Variants in ZFP37 observed in about 807,000 individuals in gnomAD.
ZFP37 encodes the protein ZFP37 zinc finger protein, also known as zinc finger protein 37 homolog.
Under a neutral mutation model 52.1 loss-of-function variants are expected in ZFP37, and 38 were observed. The observed-to-expected ratio is 0.73, with a 90% CI of 0.56 to 0.96. The LOEUF is 0.96. Ranked by LOEUF, ZFP37 falls within the 40% of genes least tolerant of loss-of-function variation. The pLI, the probability that ZFP37 is intolerant of heterozygous loss-of-function variation, is 0.00. For missense variants in ZFP37, 695 were observed against 741.4 expected (o/e 0.94, Z 0.73); for synonymous variants, 253 against 259.5 (o/e 0.98, Z 0.24).
rs1294619076 is a variant in ZFP37, at chr9:113,056,680, G to A, written c.9C>T (p.Val3=). The change falls in exon 1 of 4, where the codon GTC becomes GTT. Residue 3 remains valine (V), a synonymous_variant. Coordinates refer to ENST00000374227, the MANE Select transcript of ZFP37 (RefSeq NM_003408.3). MS[V]SSGVQILTKP... ...TTGTCAGAATCTGGACGCCGCTGGA[G>A]ACCGACATGGCGGCTACCCGGAGGG... 1.2e-6 allele frequency: 2 copies of A among 1,612,678 alleles called. No individual in the cohort carries two copies. The highest frequency in any genetic ancestry group is 2.2e-5 in the South Asian group (2 of 91,056).
At chr9:113,045,174 G>T (rs764598739) in intron 3 of ZFP37, among the ~76,000 whole-genome samples, 3 of 152,060 alleles carry the variant, frequency 2.0e-5, no homozygotes, top group Non-Finnish European at 4.4e-5. Context: ...AAGTGGCTAA[G>T]AGAATAAATA....
intron 1 of ZFP37, among the ~76,000 whole-genome samples, chr9:113,053,523 C>G (rs1587916254): frequency 1.3e-5 from 2 of 152,176 alleles, no homozygotes; most frequent in African/African-American, 4.8e-5. Context: ...CTAATCCTGT[C>G]AGTAGTCCTA....
rs1564343863 is a variant in ZFP37, at chr9:113,043,917, GATA to G, written c.698_700del (p.Leu233del). 6.2e-7 allele frequency: 1 copy of G among 1,614,006 alleles called. No homozygotes were observed. The highest frequency in any genetic ancestry group is 8.5e-7 in the Non-Finnish European group (1 of 1,179,950). On this transcript the variant is annotated inframe_deletion, in exon 4 of 4. Transcript: ENST00000374227. ...ACACTTATCAGATGAGCTATGGCTG[GATA>G]ATTTCTCATGTTTCTTTCCAGTTTG...
chr9:113,049,256 T>C, intron 3 of ZFP37, 106 bp downstream of exon 3: 1 of 1,270,198 alleles, frequency 7.9e-7, no homozygotes, highest in South Asian at 1.5e-5. Context: ...CAGGAAATCC[T>C]GATTTTTTCT....
In ZFP37 at chr9:113,043,586, G is replaced by A. The variant is rs112071368; in HGVS notation, c.1032C>T (p.Thr344=). ...SHLVVHQRTH[T]GEKPYECIQC... ...GAATACATTCATATGGTTTTTCTCC[G>A]GTGTGAGTTCTCTGATGTACAACAA... Residue 344 remains threonine (T), a synonymous_variant, in exon 4 of 4, where the codon ACC becomes ACT. Coordinates refer to ENST00000374227, the MANE Select transcript of ZFP37 (RefSeq NM_003408.3). 406 of 1,613,498 alleles carry A rather than the reference G, an allele frequency of 2.5e-4. 3 individuals are homozygous for A. The South Asian group carries it at 3.1e-3, about 12-fold the overall frequency.
chr9:113,051,640 A>C (rs1829059813), intron 1 of ZFP37, among the ~76,000 whole-genome samples: 1 of 152,108 alleles, frequency 6.6e-6, no homozygotes, highest in Non-Finnish European at 1.5e-5. Flanking sequence ...TTTTTTGTAG[A>C]GACAGGTTCT....
In ZFP37 at chr9:113,051,225, TAAAATC is replaced by T. The variant is rs1488552401; in HGVS notation, c.133-1359_133-1354del. Among the ~76,000 whole-genome samples, 3 of 152,250 alleles carry T rather than the reference TAAAATC, an allele frequency of 2.0e-5. No homozygotes were observed. The East Asian group carries it at 5.8e-4, about 29-fold the overall frequency. The stretch of plus-strand genomic sequence containing the variant: ...TGTACAACTGTTATGAAAGTATCCT[TAAAATC>T]AAGAGGTATGATATTAAAAAATAAG... On this transcript the variant is annotated intron_variant, in intron 1 of 3. Transcript: ENST00000374227.
Position 113,043,703 on chromosome 9 carries a change from T to C in ZFP37, c.915A>G (p.Lys305=). The part of the protein sequence containing the change: ...CNQCGKVLSH[K]QGLIDHQRVH... ...CTCTCTGATGGTCAATGAGTCCTTG[T>C]TTATGGCTGAGAACCTTTCCACATT... is the stretch of plus-strand genomic sequence containing the variant. The change falls in exon 4 of 4, where the codon AAA becomes AAG. Residue 305 remains lysine, a synonymous_variant. Coordinates refer to ENST00000374227, the MANE Select transcript of ZFP37 (RefSeq NM_003408.3). 1 of 1,614,086 alleles carries C rather than the reference T, an allele frequency of 6.2e-7. No homozygotes were observed. The highest frequency in any genetic ancestry group is 8.5e-7 in the Non-Finnish European group (1 of 1,179,970).
At chr9:113,047,701 G>A (rs568248054) in intron 3 of ZFP37, among the ~76,000 whole-genome samples, 2 of 152,308 alleles carry the variant, frequency 1.3e-5, no homozygotes, top group African/African-American at 4.8e-5. Flanking sequence ...ACTGAAAATT[G>A]AGAAAAAGAA....
chr9:113,056,008 T>A (rs185709843), intron 1 of ZFP37, among the ~76,000 whole-genome samples: 2 of 150,068 alleles, frequency 1.3e-5, no homozygotes. Context: ...CCAACAGTCA[T>A]ATTCCCCCCT....
chr9:113,042,831 G>T lies in ZFP37; in HGVS notation c.1787C>A (p.Thr596Asn), dbSNP rs551736857. 1 of 1,613,730 alleles carries T rather than the reference G, an allele frequency of 6.2e-7. No homozygotes were observed. Among genetic ancestry groups the T allele is most frequent in the African/African-American group, 1.3e-5 (1 of 75,012 alleles). Reference protein sequence around the residue: ...SQLVIHQRSHTGEKPYECNEC... With the variant: ...SQLVIHQRSHNGEKPYECNEC... ...ATTACATTCATAGGGTTTTTCTCCA[G>T]TGTGGGATCGCTGATGTATAACAAG... is the stretch of plus-strand genomic sequence containing the variant. The change falls in exon 4 of 4, where the codon ACT becomes AAT. Residue 596 changes from threonine to asparagine, a missense_variant. Coordinates refer to ENST00000374227, the MANE Select transcript of ZFP37 (RefSeq NM_003408.3).
At chr9:113,053,444 T>C (rs1306039445) in intron 1 of ZFP37, among the ~76,000 whole-genome samples, 1 of 152,170 alleles carries the variant, frequency 6.6e-6, no homozygotes, top group Admixed American at 6.5e-5. Context: ...CAACTGAACA[T>C]TGCAAGAGAA....
chr9:113,047,882 T>C (rs1273563708), intron 3 of ZFP37, among the ~76,000 whole-genome samples: 1 of 152,108 alleles, frequency 6.6e-6, no homozygotes, highest in African/African-American at 2.4e-5. Context: ...CAAATATGAG[T>C]ATAAGACAAA....
In ZFP37 at chr9:113,042,778, C is replaced by G; in HGVS notation, c.1840G>C (p.Ala614Pro). Residue 614 changes from alanine (A) to proline (P), a missense_variant, in exon 4 of 4, where the codon GCA (alanine) becomes CCA (proline). By Grantham distance (27) the Ala-to-Pro change is conservative. Transcript: ENST00000374227. Reference protein sequence around the residue: ...NECGKTFKQNASLTKHVKTHS... With the variant: ...NECGKTFKQNPSLTKHVKTHS... Reference sequence around the variant, plus strand: ...GTTTTCACATGTTTGGTTAGGGATGCATTTTGTTTGAAAGTTTTCCCACAT... The same window carrying G: ...GTTTTCACATGTTTGGTTAGGGATGGATTTTGTTTGAAAGTTTTCCCACAT... 5.6e-6 allele frequency: 9 copies of G among 1,607,176 alleles called. No homozygotes were observed. The highest frequency in any genetic ancestry group is 1.7e-4 in the Middle Eastern group (1 of 6,006).
In ZFP37 at chr9:113,043,186, T is replaced by C. The variant is rs765710736; in HGVS notation, c.1432A>G (p.Ile478Val). ...KAFSKKSHLI[I>V]HQRTHTKEKP... Reference sequence around the variant, plus strand: ...TCCTTAGTATGAGTTCTTTGATGTATAATGAGGTGTGACTTCTTGCTGAAA... The same window carrying C: ...TCCTTAGTATGAGTTCTTTGATGTACAATGAGGTGTGACTTCTTGCTGAAA... Residue 478 changes from isoleucine (I) to valine (V), a missense_variant, in exon 4 of 4, where the codon ATA becomes GTA. Physicochemically the swap from Ile to Val is conservative, Grantham distance 29. Coordinates refer to ENST00000374227, the MANE Select transcript of ZFP37 (RefSeq NM_003408.3). The C allele has an allele frequency of 1.2e-6, 2 of 1,613,796 alleles. No individual in the cohort carries two copies. The highest frequency in any genetic ancestry group is 2.2e-5 in the East Asian group (1 of 44,856).
intron 3 of ZFP37, among the ~76,000 whole-genome samples, chr9:113,045,638 G>C (rs1828936611): frequency 1.3e-5 from 2 of 152,088 alleles, no homozygotes; most frequent in South Asian, 4.1e-4. Flanking sequence ...AAAGCTGTGG[G>C]CCACTATGTT....
In ZFP37 at chr9:113,041,235, G is replaced by C. The variant is rs1828840481; in HGVS notation, c.*1490C>G. The C allele has an allele frequency of 6.6e-6, 1 of 152,104 alleles. No homozygotes were observed. Among genetic ancestry groups the C allele is most frequent in the South Asian group, 2.1e-4 (1 of 4,834 alleles). The allele number at this position is 152,104 out of a possible 1,614,324, so 9.4% of individuals were successfully genotyped here. A position where few individuals can be genotyped will look rare whatever the true frequency, so the allele number is the denominator to read the frequency against. On this transcript the variant is annotated 3_prime_UTR_variant, in exon 4 of 4. Coordinates refer to ENST00000374227, the MANE Select transcript of ZFP37 (RefSeq NM_003408.3). ...AGGCACCCACCATGCCCAGCCAGAA[G>C]TATTTTTAATCTATGGCTCAAGAGT...
intron 3 of ZFP37, among the ~76,000 whole-genome samples, chr9:113,044,514 G>T (rs1271224476): frequency 6.6e-6 from 1 of 152,074 alleles, no homozygotes; most frequent in African/African-American, 2.4e-5. Flanking sequence ...AGCAACCTGG[G>T]ATAGAAGATG....
chr9:113,050,471 A>C (rs1335118965), intron 1 of ZFP37, among the ~76,000 whole-genome samples: 1 of 144,360 alleles, frequency 6.9e-6, no homozygotes, highest in Non-Finnish European at 1.5e-5. Context: ...AAATAGCCAA[A>C]AAAAAAAAAA....
Sources: allele counts gnomAD v4.1 joint callset (sites outside exome capture counted in the v4.1 genomes callset), GRCh38; gene constraint gnomAD v4.1.1; transcripts MANE v1.5; gene names NCBI Gene and HGNC (gene_info 2026-07-23, HGNC 2026-07-21).